Variants in JAKMIP3 observed in about 807,000 individuals in gnomAD.
JAKMIP3 encodes the protein janus kinase and microtubule-interacting protein 3.
A neutral mutation model predicts 118.5 loss-of-function variants in JAKMIP3; 58 were observed. That is an observed-to-expected ratio of 0.49 (90% CI 0.40 to 0.61). The LOEUF is 0.61. JAKMIP3 is among the 20% of genes least tolerant of loss of function. JAKMIP3 has a pLI of 0.00. For synonymous variants in JAKMIP3, 486 were observed against 451.2 expected (o/e 1.08, Z -0.98); for missense variants, 950 against 1,109.0 (o/e 0.86, Z 2.04).
At position 132,148,444 on chromosome 10, in the gene JAKMIP3, G is replaced by A. The variant is rs372986750; in HGVS notation, c.1848+394G>A. Among the ~76,000 whole-genome samples the A allele has an allele frequency of 1.7e-3, 254 of 150,404 alleles. 2 individuals are homozygous for A. The highest frequency in any genetic ancestry group is 6.1e-3 in the African/African-American group (250 of 41,160). On this transcript the variant is annotated intron_variant, in intron 14 of 23. Transcript: ENST00000684848. ...TGTGGGGTGAGGAGCTGGCACGTCCGTCCTCCATCTGCCCGTCCTCCATCC... is the reference window on the plus strand; with the variant it reads ...TGTGGGGTGAGGAGCTGGCACGTCCATCCTCCATCTGCCCGTCCTCCATCC...
At chr10:132,086,549 G>A (rs1440090713) in intron 1 of JAKMIP3, among the ~76,000 whole-genome samples, 1 of 151,996 alleles carries the variant, frequency 6.6e-6, no homozygotes, top group Non-Finnish European at 1.5e-5. Flanking sequence ...CCAGTGTTAG[G>A]TGCATATATA....
At chr10:132,099,859 G>A (rs1434015440) in intron 1 of JAKMIP3, among the ~76,000 whole-genome samples, 11 of 142,924 alleles carry the variant, frequency 7.7e-5, no homozygotes, top group East Asian at 2.1e-4. Flanking sequence ...CACGCTGTCC[G>A]TCTGCAGCTC....
intron 23 of JAKMIP3, among the ~76,000 whole-genome samples, chr10:132,169,393 C>T (rs1332162459): frequency 6.6e-6 from 1 of 152,208 alleles, no homozygotes; most frequent in Non-Finnish European, 1.5e-5. Flanking sequence ...TGCTCCCGTG[C>T]ACTTGAACGT....
At chr10:132,093,810 A>G (rs1355210253) in intron 1 of JAKMIP3, among the ~76,000 whole-genome samples, 1 of 150,418 alleles carries the variant, frequency 6.6e-6, no homozygotes, top group Non-Finnish European at 1.5e-5. Context: ...TGCAGAAATC[A>G]CCCCCATCTT....
chr10:132,097,961 C>CTTCCCCT (rs2044214104), intron 1 of JAKMIP3, among the ~76,000 whole-genome samples: 1 of 62,442 alleles, frequency 1.6e-5, no homozygotes, highest in Non-Finnish European at 3.3e-5. Flanking sequence ...TCCCCTTTCC[C>CTTCCCCT]TTTCCTTCCT....
At chr10:132,170,750 G>A (rs1005425395) in intron 23 of JAKMIP3, among the ~76,000 whole-genome samples, 7 of 152,186 alleles carry the variant, frequency 4.6e-5, no homozygotes, top group South Asian at 4.1e-4. Flanking sequence ...TCGGCATGGC[G>A]GGGACAGAGG....
rs779055507 is a variant in JAKMIP3, at chr10:132,117,220, G to C, written c.279G>C (p.Thr93=). The C allele has an allele frequency of 1.2e-6, 2 of 1,613,974 alleles. No individual in the cohort carries two copies. Among genetic ancestry groups the C allele is most frequent in the Non-Finnish European group, 8.5e-7 (1 of 1,179,892 alleles). ...KMKELQAVRE[T]LLRQHEAELL... is the part of the protein sequence containing the mutation. ...AGGAGCTACAGGCTGTGCGTGAGAC[G>C]CTGCTGCGGCAGCATGAGGCTGAGC... Residue 93 remains threonine (T), a synonymous_variant, in exon 3 of 24, where the codon ACG becomes ACC. Transcript: ENST00000684848. The surrounding 1 kb of genome is among the most constrained non-coding windows in gnomAD (Gnocchi z 8.6).
intron 1 of JAKMIP3, among the ~76,000 whole-genome samples, chr10:132,080,620 C>G (rs1422904762): frequency 6.3e-5 from 9 of 143,264 alleles, no homozygotes; most frequent in Non-Finnish European, 1.4e-4. Context: ...TTCCCAGGTT[C>G]AAGCGATTCT....
intron 16 of JAKMIP3, 127 bp from the exon 17 acceptor site, chr10:132,152,831 T>C (rs567687755): frequency 4.4e-5 from 30 of 678,814 alleles, no homozygotes; most frequent in Non-Finnish European, 6.3e-5. Context: ...AAGCACTTTT[T>C]AGCTCTGGCC....
intron 2 of JAKMIP3, among the ~76,000 whole-genome samples, chr10:132,114,352 C>T (rs2047311863): frequency 6.6e-6 from 1 of 152,256 alleles, no homozygotes; most frequent in African/African-American, 2.4e-5. Flanking sequence ...GTAGCTGGGA[C>T]TACAGGCGTG....
At chr10:132,122,821 G>A (rs1267000493) in intron 3 of JAKMIP3, among the ~76,000 whole-genome samples, 53 of 152,214 alleles carry the variant, frequency 3.5e-4, no homozygotes, top group Admixed American at 3.5e-3. Flanking sequence ...GTGGGTCAGG[G>A]ACGCCCTCTC....
intron 23 of JAKMIP3, among the ~76,000 whole-genome samples, chr10:132,173,247 T>C (rs2059802869): frequency 8.2e-6 from 1 of 121,800 alleles, no homozygotes; most frequent in Non-Finnish European, 1.7e-5. Flanking sequence ...TATCTATTGC[T>C]GTTACAAAAC....
At chr10:132,094,064 A>G (rs948986725) in intron 1 of JAKMIP3, among the ~76,000 whole-genome samples, 1 of 150,984 alleles carries the variant, frequency 6.6e-6, no homozygotes, top group African/African-American at 2.4e-5. Flanking sequence ...CAGCCTCCCA[A>G]GTTGCTGGGA....
At chr10:132,079,158 C>CTGGGAGTGGA (rs142242799) in intron 1 of JAKMIP3, among the ~76,000 whole-genome samples, 1 of 150,204 alleles carries the variant, frequency 6.7e-6, no homozygotes, top group Non-Finnish European at 1.5e-5. Context: ...AGCGGACGGC[C>CTGGGAGTGGA]CAGCCCCACA....
intron 19 of JAKMIP3, among the ~76,000 whole-genome samples, chr10:132,157,760 A>G (rs2057270412): frequency 6.6e-6 from 1 of 152,168 alleles, no homozygotes. Context: ...GAAGGCAACC[A>G]GCCCTTTGCC....
At position 132,044,033 on chromosome 10, in the gene JAKMIP3, G is replaced by C. The variant is rs2133773933; in HGVS notation, c.-138+7295G>C. Among the ~76,000 whole-genome samples, 1 of 152,338 alleles carries C rather than the reference G, an allele frequency of 6.6e-6. No homozygotes were observed. The highest frequency in any genetic ancestry group is 6.5e-5 in the Admixed American group (1 of 15,304). On this transcript the variant is annotated intron_variant, in intron 1 of 23. Coordinates refer to the JAKMIP3 transcript ENST00000657785. This position sits in a 1 kb window ranked among gnomAD's most constrained non-coding sequence, Gnocchi z 5.3. ...GGGCAGGAAGTGCACAGACCTCGGG[G>C]TTCAGTAGGCTCTCAGGCAGTTCAG... is the stretch of plus-strand genomic sequence containing the variant.
At position 132,168,188 on chromosome 10, in the gene JAKMIP3, TTGGCTGCTGGACCC is replaced by T; in HGVS notation, c.*262_*275del. The T allele has an allele frequency of 1.6e-6, 2 of 1,288,616 alleles. No homozygotes were observed. The highest frequency in any genetic ancestry group is 2.0e-6 in the Non-Finnish European group (2 of 988,424). The allele number at this position is 1,288,616 out of a possible 1,614,324, so 79.8% of individuals were successfully genotyped here. On this transcript the variant is annotated 3_prime_UTR_variant, in exon 23 of 24. Transcript: ENST00000684848. ...GGGCTTCTCCGGGACGGGCCTGGCC[TTGGCTGCTGGACCC>T]TGGGTCCCTTCTCCCGGACGGCAGC...
intron 1 of JAKMIP3, among the ~76,000 whole-genome samples, chr10:132,076,902 C>G (rs1029753853): frequency 7.2e-6 from 1 of 138,518 alleles, no homozygotes; most frequent in African/African-American, 2.7e-5. Flanking sequence ...GATTAAGGGC[C>G]GGACTGTGGT....
chr10:132,180,768 TGC>T lies in JAKMIP3; in HGVS notation c.*1104-1587_*1104-1586del, dbSNP rs1446060656. 9.2e-5 allele frequency among the ~76,000 whole-genome samples: 3 copies of T among 32,494 alleles called. 1 individual carries two copies. The highest frequency in any genetic ancestry group is 4.5e-4 in the African/African-American group (3 of 6,708). The allele number at this position is 32,494 out of a possible 152,430, so 21.3% of individuals were successfully genotyped here. ...GTGCGCGCGCGTGTGTGCGTGTGTG[TGC>T]GTGTGTGTGTGTGCGCGTATGCATG... is the stretch of plus-strand genomic sequence containing the variant. On this transcript the variant is annotated intron_variant, in intron 23 of 23. Transcript: ENST00000684848.
Sources: gnomAD v4.1 joint callset for allele counts (sites outside exome capture counted in the v4.1 genomes callset) on GRCh38, gnomAD v4.1.1 for gene constraint, Gnocchi (gnomAD v3.1) non-coding constraint, MANE v1.5 for transcripts, NCBI Gene and HGNC (gene_info 2026-07-23, HGNC 2026-07-21) for gene names.